Variants in ACVR1 observed in about 807,000 individuals in gnomAD.
ACVR1 encodes the protein activin receptor type-1.
ACVR1 carries 38 observed loss-of-function variants against 57.1 expected under a neutral mutation model. That is an observed-to-expected ratio of 0.67 (90% CI 0.51 to 0.87). The LOEUF is 0.87. ACVR1 is among the 40% of genes least tolerant of loss of function. ACVR1 has a pLI of 0.00. For synonymous variants in ACVR1, 212 were observed against 228.1 expected, an observed-to-expected ratio of 0.93 and a Z score of 0.63; for missense variants, 463 against 638.2, an observed-to-expected ratio of 0.73 and a Z score of 2.96.
intron 2 of ACVR1, among the ~76,000 whole-genome samples, chr2:157,813,473 G>A (rs916339607): frequency 1.8e-4 from 28 of 152,134 alleles, no homozygotes; most frequent in Admixed American, 1.8e-3. Flanking sequence ...TCTGCATTGC[G>A]GCTAGATGTA....
At chr2:157,838,095 C>G (rs926375218) in intron 1 of ACVR1, 3 of 152,102 alleles carry the variant, frequency 2.0e-5, no homozygotes, top group South Asian at 2.1e-4. Flanking sequence ...TTTTCCCCCC[C>G]TCCCCACACA....
intron 2 of ACVR1, among the ~76,000 whole-genome samples, chr2:157,812,436 G>A (rs1332684137): frequency 6.6e-6 from 1 of 151,786 alleles, no homozygotes; most frequent in Non-Finnish European, 1.5e-5. Context: ...AAGGCAAGGA[G>A]GCAATTACTA....
chr2:157,769,670 TA>T (rs1436392106), intron 7 of ACVR1, among the ~76,000 whole-genome samples: 2 of 152,212 alleles, frequency 1.3e-5, no homozygotes, highest in Non-Finnish European at 2.9e-5. Context: ...TATACAGAGT[TA>T]AATTCTATAT....
chr2:157,775,620 G>A (rs1686251978), intron 5 of ACVR1, among the ~76,000 whole-genome samples: 1 of 152,120 alleles, frequency 6.6e-6, no homozygotes. Context: ...AACCACAAAA[G>A]GGATAATCAA....
chr2:157,865,703 A>C (rs1405684593), intron 1 of ACVR1, among the ~76,000 whole-genome samples: 2 of 151,740 alleles, frequency 1.3e-5, no homozygotes, highest in African/African-American at 4.8e-5. Flanking sequence ...GAGGCAGGAG[A>C]ATCACTTGAA....
At chr2:157,788,844 T>C (rs1358921962) in intron 3 of ACVR1, among the ~76,000 whole-genome samples, 1 of 152,070 alleles carries the variant, frequency 6.6e-6, no homozygotes, top group Non-Finnish European at 1.5e-5. Context: ...AAGCCTCTGA[T>C]AATGCTACTT....
chr2:157,771,619 G>C (rs1686072987), intron 6 of ACVR1, among the ~76,000 whole-genome samples: 1 of 152,160 alleles, frequency 6.6e-6, no homozygotes, highest in Non-Finnish European at 1.5e-5. Flanking sequence ...GCATATACAG[G>C]AATACAGTTC....
intron 1 of ACVR1, among the ~76,000 whole-genome samples, chr2:157,859,007 C>T (rs1689633686): frequency 6.6e-6 from 1 of 152,224 alleles, no homozygotes; most frequent in East Asian, 1.9e-4. Flanking sequence ...GCATTCCCCA[C>T]ACCTTCCTGT....
chr2:157,743,153 C>A (rs1201773146), intron 9 of ACVR1, among the ~76,000 whole-genome samples: 2 of 152,108 alleles, frequency 1.3e-5, no homozygotes, highest in Non-Finnish European at 2.9e-5. Flanking sequence ...TCATCGTGGT[C>A]AAGTTTTATT....
At position 157,737,616 on chromosome 2, in the gene ACVR1, G is replaced by A; in HGVS notation, c.1445C>T (p.Pro482Leu). Reference protein sequence around the residue: ...KLMKECWYQNPSARLTALRIK... With the variant: ...KLMKECWYQNLSARLTALRIK... The stretch of plus-strand genomic sequence containing the variant: ...ACGCAGTGCTGTGAGTCTTGCGGAT[G>A]GATTTTGATACCAGCATTCTTTCAT... Residue 482 changes from proline to leucine, a missense_variant, in exon 11 of 11, where the codon CCA (proline) becomes CTA (leucine). Physicochemically the swap from Pro to Leu is moderately conservative, Grantham distance 98 (BLOSUM62 -3). Around this residue, in one of 3 missense-constraint regions of ACVR1, gnomAD observed 146 missense variants for 186.6 expected, o/e 0.78. Transcript: ENST00000434821. 6.2e-7 allele frequency: 1 copy of A among 1,614,124 alleles called. No homozygotes were observed. The highest frequency in any genetic ancestry group is 8.5e-7 in the Non-Finnish European group (1 of 1,179,984).
At chr2:157,741,356 G>A (rs1028311861) in intron 9 of ACVR1, among the ~76,000 whole-genome samples, 2 of 152,078 alleles carry the variant, frequency 1.3e-5, no homozygotes, top group African/African-American at 4.8e-5. Context: ...ATGAAAAAAC[G>A]GTGGCTCACG....
chr2:157,786,065 A>G (rs1239270095), intron 3 of ACVR1, among the ~76,000 whole-genome samples: 1 of 152,142 alleles, frequency 6.6e-6, no homozygotes, highest in Non-Finnish European at 1.5e-5. Context: ...TCCACTTTGA[A>G]TGCTTATCTC....
intron 9 of ACVR1, among the ~76,000 whole-genome samples, chr2:157,760,190 A>G (rs754141040): frequency 6.6e-6 from 1 of 152,202 alleles, no homozygotes; most frequent in Non-Finnish European, 1.5e-5. Flanking sequence ...TCTTTTATCT[A>G]GAAAGATAAA....
At chr2:157,859,884 A>G (rs1689665328) in intron 1 of ACVR1, among the ~76,000 whole-genome samples, 1 of 151,988 alleles carries the variant, frequency 6.6e-6, no homozygotes, top group Admixed American at 6.6e-5. Flanking sequence ...TTTTTGTATT[A>G]TAGATTATAC....
At position 157,778,381 on chromosome 2, in the gene ACVR1, T is replaced by C. The variant is rs79510362; in HGVS notation, c.332-39A>G. 2.0e-6 allele frequency: 3 copies of C among 1,515,878 alleles called. No individual in the cohort carries two copies. The East Asian group carries it at 6.8e-5, about 34-fold the overall frequency. 93.9% of individuals were successfully genotyped at this position (1,515,878 alleles called of 1,614,324 possible). On this transcript the variant is annotated intron_variant, in intron 4 of 10. Transcript: ENST00000434821. The stretch of plus-strand genomic sequence containing the variant: ...GAAAAGGGGGAATTAGTTGTAAGGA[T>C]CACTGCTTACTTATTATTAGCATAA...
rs557062206 is a variant in ACVR1 at position 157,865,829 on chromosome 2, T to C, written c.-183+9967A>G. Among the ~76,000 whole-genome samples the C allele has an allele frequency of 1.6e-4, 23 of 141,114 alleles. No homozygotes were observed. The East Asian group carries it at 2.0e-3, about 12-fold the overall frequency. The allele number at this position is 141,114 out of a possible 152,430, so 92.6% of individuals were successfully genotyped here. A position where few individuals can be genotyped will look rare whatever the true frequency, so the allele number is the denominator to read the frequency against. ...AAAAAAGAAAAAGAAAAAAGATAGA[T>C]AGATAGATAGATAGATAGATAGATA... On this transcript the variant is annotated intron_variant, in intron 1 of 10. Coordinates refer to ENST00000434821, the MANE Select transcript of ACVR1 (RefSeq NM_001111067.4).
At chr2:157,824,285 T>C (rs542600729) in intron 1 of ACVR1, among the ~76,000 whole-genome samples, 1 of 152,084 alleles carries the variant, frequency 6.6e-6, no homozygotes, top group East Asian at 1.9e-4. Flanking sequence ...CTGGGGAATA[T>C]GGCGAGACCC....
rs1026247171 is a variant in ACVR1 at position 157,821,918 on chromosome 2, A to G, written c.-182-3359T>C. ...GGACCTGAGTAACAGGCAAGCATAA[A>G]AAGCACTTAAAATCAAACAAGCTCT... is the stretch of plus-strand genomic sequence containing the variant. On this transcript the variant is annotated intron_variant, in intron 1 of 10. Transcript: ENST00000434821. 7.2e-5 allele frequency among the ~76,000 whole-genome samples: 11 copies of G among 152,262 alleles called. No homozygotes were observed. The East Asian group carries it at 1.7e-3, about 24-fold the overall frequency.
intron 1 of ACVR1, among the ~76,000 whole-genome samples, chr2:157,866,447 G>GGT (rs1553453086): frequency 6.6e-6 from 1 of 152,128 alleles, no homozygotes; most frequent in Non-Finnish European, 1.5e-5. Context: ...AGGGAGGCGG[G>GGT]GGGGAAAGCT....
Sources: gnomAD v4.1 joint callset for allele counts (sites outside exome capture counted in the v4.1 genomes callset) on GRCh38, gnomAD v4.1.1 for gene constraint, gnomAD v4.1.1 regional missense constraint, MANE v1.5 for transcripts, NCBI Gene and HGNC (gene_info 2026-07-23, HGNC 2026-07-21) for gene names.